ANTXR2: variants seen among roughly 807,000 people sequenced by gnomAD.
ANTXR2 encodes the protein ANTXR cell adhesion molecule 2, also known as anthrax toxin receptor 2.
Under a neutral mutation model 73.7 loss-of-function variants are expected in ANTXR2, and 44 were observed. The observed-to-expected ratio is 0.60, with a 90% CI of 0.47 to 0.77. ANTXR2 has a LOEUF of 0.77. Ranked by LOEUF, ANTXR2 falls within the 30% of genes least tolerant of loss-of-function variation. The pLI is 0.00. For synonymous variants in ANTXR2, 217 were observed against 205.9 expected, an observed-to-expected ratio of 1.05 and a Z score of -0.46; for missense variants, 604 against 592.5, an observed-to-expected ratio of 1.02 and a Z score of -0.20.
At chr4:79,951,114 C>T (rs1728685339) in intron 16 of ANTXR2, among the ~76,000 whole-genome samples, 2 of 151,948 alleles carry the variant, frequency 1.3e-5, no homozygotes, top group Non-Finnish European at 2.9e-5. Context: ...AACAAAAAAC[C>T]CAACTTGTTT....
At chr4:79,909,795 T>G (rs192727742) in intron 16 of ANTXR2, among the ~76,000 whole-genome samples, 20 of 152,288 alleles carry the variant, frequency 1.3e-4, no homozygotes, top group Admixed American at 1.0e-3. Flanking sequence ...TGATAATGTC[T>G]GGGTGTAATT....
chr4:80,068,028 T>C (rs1734589621), intron 3 of ANTXR2, among the ~76,000 whole-genome samples: 1 of 152,102 alleles, frequency 6.6e-6, no homozygotes, highest in Admixed American at 6.5e-5. Flanking sequence ...AGGAGAAGTA[T>C]CAATGGGAAG....
intron 10 of ANTXR2, among the ~76,000 whole-genome samples, chr4:80,031,054 G>A (rs552214760): frequency 6.6e-6 from 1 of 152,022 alleles, no homozygotes; most frequent in South Asian, 2.1e-4. Flanking sequence ...CTTTTTAGCA[G>A]ATATCGTGGT....
chr4:80,014,763 G>T (rs1731761392), intron 11 of ANTXR2, among the ~76,000 whole-genome samples: 1 of 152,126 alleles, frequency 6.6e-6, no homozygotes, highest in African/African-American at 2.4e-5. Flanking sequence ...CACGGTCTCT[G>T]TAGAAGCGGA....
chr4:79,916,070 C>T (rs574146561), intron 16 of ANTXR2, among the ~76,000 whole-genome samples: 2 of 151,880 alleles, frequency 1.3e-5, no homozygotes, highest in South Asian at 4.1e-4. Context: ...AAAAATTTAC[C>T]TTTAAATGTT....
At chr4:80,041,978 T>C (rs1278460536) in intron 7 of ANTXR2, among the ~76,000 whole-genome samples, 3 of 152,114 alleles carry the variant, frequency 2.0e-5, no homozygotes, top group Non-Finnish European at 4.4e-5. Flanking sequence ...TTAAAATTCC[T>C]AATGCCATTG....
intron 2 of ANTXR2, among the ~76,000 whole-genome samples, chr4:80,071,202 G>A (rs1734771598): frequency 6.6e-6 from 1 of 152,122 alleles, no homozygotes; most frequent in South Asian, 2.1e-4. Flanking sequence ...TTTAATGAGG[G>A]CCTCTATAAT....
At chr4:80,042,336 T>A (rs1020869173) in intron 7 of ANTXR2, among the ~76,000 whole-genome samples, 11 of 152,192 alleles carry the variant, frequency 7.2e-5, no homozygotes, top group African/African-American at 2.6e-4. Context: ...GTGAATGACA[T>A]CTAGGTTTCA....
intron 11 of ANTXR2, among the ~76,000 whole-genome samples, chr4:80,015,251 G>A (rs1355791698): frequency 2.6e-5 from 4 of 152,122 alleles, no homozygotes; most frequent in African/African-American, 4.8e-5. Context: ...TTTACCTCTC[G>A]CTTTGGATGT....
chr4:80,019,401 T>C (rs1732049403), intron 10 of ANTXR2, among the ~76,000 whole-genome samples: 1 of 152,208 alleles, frequency 6.6e-6, no homozygotes, highest in African/African-American at 2.4e-5. Context: ...TCACAGCTTT[T>C]GGTAAATTAT....
chr4:79,979,096 C>G (rs1729771999), intron 14 of ANTXR2, among the ~76,000 whole-genome samples: 1 of 152,082 alleles, frequency 6.6e-6, no homozygotes, highest in South Asian at 2.1e-4. Flanking sequence ...TCTGAAAATT[C>G]TTGACATTGA....
rs1445493382 is a variant in ANTXR2, at chr4:79,978,045, G to A, written c.1309C>T (p.His437Tyr). ...TACCATTTTGTCTGAGGAGGCTGGT[G>A]TGTGGGTTTGGGTCGAGGTGGTCTA... ...RPRPPRPKPTHQPPQTKWYTP... is the reference protein window; with the variant it reads ...RPRPPRPKPTYQPPQTKWYTP... The change falls in exon 15 of 17, where the codon CAC (histidine) becomes TAC (tyrosine). Residue 437 changes from histidine (H) to tyrosine (Y), a missense_variant. Transcript: ENST00000403729. 3.7e-6 allele frequency: 6 copies of A among 1,609,664 alleles called. No homozygotes were observed. The South Asian group carries it at 5.5e-5, about 15-fold the overall frequency.
At chr4:80,050,828 C>T (rs537707047) in intron 7 of ANTXR2, among the ~76,000 whole-genome samples, 34 of 151,748 alleles carry the variant, frequency 2.2e-4, no homozygotes, top group African/African-American at 8.2e-4. Context: ...TAAGAGTACT[C>T]TTCCTAAACC....
At chr4:80,073,261 C>T (rs1487993252), upstream of ANTXR2, 4 of 152,414 alleles carry the variant, frequency 2.6e-5, no homozygotes, top group Non-Finnish European at 1.5e-5. Flanking sequence ...AGGGCGGGGC[C>T]CCAGCTGAAG....
chr4:80,064,630 A>G (rs1156938309), intron 3 of ANTXR2, among the ~76,000 whole-genome samples: 3 of 152,220 alleles, frequency 2.0e-5, no homozygotes, highest in African/African-American at 7.2e-5. Context: ...GGGTTCCTTT[A>G]GACCTGCTGG....
intron 11 of ANTXR2, 58 bp downstream of exon 11, chr4:80,018,840 G>A: frequency 7.9e-7 from 1 of 1,269,950 alleles, no homozygotes; most frequent in Non-Finnish European, 1.1e-6. Flanking sequence ...AAGATCCATA[G>A]ATTATTTCTG....
intron 7 of ANTXR2, among the ~76,000 whole-genome samples, chr4:80,047,777 A>G (rs1733589520): frequency 1.3e-5 from 2 of 151,742 alleles, no homozygotes; most frequent in African/African-American, 4.8e-5. Context: ...AACATAGGCA[A>G]AACTTACTGA....
chr4:79,929,784 A>G (rs1727987680), intron 16 of ANTXR2, among the ~76,000 whole-genome samples: 1 of 152,230 alleles, frequency 6.6e-6, no homozygotes, highest in South Asian at 2.1e-4. Flanking sequence ...CTTTTAAAGT[A>G]TAATTTGAAC....
intron 16 of ANTXR2, 38 bp from the exon 17 acceptor site, chr4:79,907,505 C>G: frequency 1.3e-6 from 2 of 1,591,054 alleles, no homozygotes; most frequent in Non-Finnish European, 1.7e-6. Flanking sequence ...AATATTGAAG[C>G]CATTATTTAA....
Sources: allele counts gnomAD v4.1 joint callset (sites outside exome capture counted in the v4.1 genomes callset), GRCh38; gene constraint gnomAD v4.1.1; transcripts MANE v1.5; gene names NCBI Gene and HGNC (gene_info 2026-07-23, HGNC 2026-07-21).